Variants in VAPB observed in about 807,000 individuals in gnomAD.
VAPB encodes the protein VAMP associated protein B and C.
Under a neutral mutation model 25.6 loss-of-function variants are expected in VAPB, and 7 were observed. The observed-to-expected ratio is 0.27, with a 90% CI of 0.16 to 0.51. The LOEUF (loss-of-function observed/expected upper bound fraction) is 0.51. VAPB is among the 20% of genes least tolerant of loss of function. The pLI is 0.97. For missense variants in VAPB, 266 were observed against 301.3 expected (o/e 0.88, Z 0.87); for synonymous variants, 112 against 109.2 (o/e 1.03, Z -0.16).
intron 1 of VAPB, among the ~76,000 whole-genome samples, chr20:58,404,216 A>G (rs558364421): frequency 3.5e-4 from 54 of 152,258 alleles, no homozygotes; most frequent in African/African-American, 1.3e-3. Flanking sequence ...GATCTTACGG[A>G]TAGGTTCGTG....
intron 1 of VAPB, among the ~76,000 whole-genome samples, chr20:58,402,399 C>T (rs1056969429): frequency 6.6e-6 from 1 of 152,150 alleles, no homozygotes; most frequent in Non-Finnish European, 1.5e-5. Context: ...CCCCTGCTTA[C>T]CTTTGAGGCT....
Position 58,449,978 on chromosome 20 carries a change from A to G in VAPB, c.*5743A>G, listed in dbSNP as rs747888059. ...AAATGCCAACTAAGGGAGACTAATC[A>G]GATATCTTAACACAATTTCATCCAG... is the stretch of plus-strand genomic sequence containing the variant. On this transcript the variant is annotated 3_prime_UTR_variant, in exon 6 of 6. Transcript: ENST00000475243. 2.2e-6 allele frequency: 1 copy of G among 454,058 alleles called. No homozygotes were observed. The highest frequency in any genetic ancestry group is 1.6e-5 in the South Asian group (1 of 64,470). 28.1% of individuals were successfully genotyped at this position (454,058 alleles called of 1,614,324 possible).
chr20:58,411,981 C>A (rs568329958), intron 1 of VAPB, among the ~76,000 whole-genome samples: 197 of 152,292 alleles, frequency 1.3e-3, no homozygotes, highest in African/African-American at 4.6e-3. Context: ...GCCCAGCCTT[C>A]ATTTTCATAT....
intron 2 of VAPB, chr20:58,431,651 G>A (rs759515183): frequency 1.3e-5 from 2 of 151,726 alleles, no homozygotes; most frequent in Non-Finnish European, 2.9e-5. Flanking sequence ...GCTCTCTGCA[G>A]CCTCCATCTC....
intron 2 of VAPB, among the ~76,000 whole-genome samples, chr20:58,419,426 G>C (rs1988621029): frequency 6.6e-6 from 1 of 152,192 alleles, no homozygotes. Flanking sequence ...TTCGAATCAA[G>C]TTATTATCTT....
rs1158187821 is a variant in VAPB, at chr20:58,449,155, T to C, written c.*4920T>C. 2.2e-6 allele frequency: 1 copy of C among 454,110 alleles called. No homozygotes were observed. Among genetic ancestry groups the C allele is most frequent in the East Asian group, 7.0e-5 (1 of 14,386 alleles). The allele number at this position is 454,110 out of a possible 1,614,324, so 28.1% of individuals were successfully genotyped here. On this transcript the variant is annotated 3_prime_UTR_variant, in exon 6 of 6. Transcript: ENST00000475243. The stretch of plus-strand genomic sequence containing the variant: ...CTGTGGGAATGGGTCTGCCCCCAGC[T>C]TCACAGACCTCTTCCTCCAGCCTCT...
chr20:58,427,689 A>G (rs1436932504), intron 2 of VAPB, among the ~76,000 whole-genome samples: 1 of 151,854 alleles, frequency 6.6e-6, no homozygotes, highest in Non-Finnish European at 1.5e-5. Flanking sequence ...TGTTACCATT[A>G]TGCTGCAGAT....
intron 1 of VAPB, among the ~76,000 whole-genome samples, chr20:58,415,343 C>G (rs1057314523): frequency 6.6e-6 from 1 of 152,214 alleles, no homozygotes; most frequent in South Asian, 2.1e-4. Flanking sequence ...CAAACTCACA[C>G]AAATGTTCAC....
At chr20:58,399,819 G>C (rs1414679470) in intron 1 of VAPB, among the ~76,000 whole-genome samples, 1 of 151,730 alleles carries the variant, frequency 6.6e-6, no homozygotes, top group African/African-American at 2.4e-5. Context: ...TATTAGTGTT[G>C]AAAATTCTGT....
At chr20:58,406,222 ATTG>A (rs989924895) in intron 1 of VAPB, among the ~76,000 whole-genome samples, 2 of 152,200 alleles carry the variant, frequency 1.3e-5, no homozygotes, top group Non-Finnish European at 2.9e-5. Flanking sequence ...CAGTCAGCTT[ATTG>A]TTGTGACATA....
At chr20:58,435,071 T>C (rs886251095) in intron 3 of VAPB, among the ~76,000 whole-genome samples, 2 of 152,128 alleles carry the variant, frequency 1.3e-5, no homozygotes, top group Non-Finnish European at 2.9e-5. Context: ...TTCTTACTTG[T>C]CTTCTCATCC....
intron 1 of VAPB, among the ~76,000 whole-genome samples, chr20:58,397,143 A>G (rs759320639): frequency 1.3e-5 from 2 of 152,260 alleles, no homozygotes; most frequent in Admixed American, 1.3e-4. Context: ...AAGTTCAGAC[A>G]GATGACTCCA....
intron 2 of VAPB, among the ~76,000 whole-genome samples, chr20:58,434,135 TA>T (rs1734244109): frequency 6.6e-6 from 1 of 152,236 alleles, no homozygotes; most frequent in African/African-American, 2.4e-5. Context: ...TTTCAAGGAT[TA>T]CCTTGATTAG....
intron 1 of VAPB, among the ~76,000 whole-genome samples, chr20:58,404,071 C>G (rs1988164554): frequency 6.6e-6 from 1 of 152,178 alleles, no homozygotes; most frequent in Non-Finnish European, 1.5e-5. Context: ...CACCGTGACT[C>G]AACTTTCTGT....
chr20:58,447,262 A>G lies in VAPB; in HGVS notation c.*3027A>G, dbSNP rs140832542. 2.0e-5 allele frequency: 9 copies of G among 454,048 alleles called. No individual in the cohort carries two copies. The East Asian group carries it at 5.6e-4, about 28-fold the overall frequency. The allele number at this position is 454,048 out of a possible 1,614,324, so 28.1% of individuals were successfully genotyped here. On this transcript the variant is annotated 3_prime_UTR_variant, in exon 6 of 6. Transcript: ENST00000475243. ...AAGCTTCCTTGGCACGATACAAAATACCTCTTAAAGACAGCAGGCTTTTTT... is the reference window on the plus strand; with the variant it reads ...AAGCTTCCTTGGCACGATACAAAATGCCTCTTAAAGACAGCAGGCTTTTTT...
At chr20:58,402,195 T>G (rs1404137593) in intron 1 of VAPB, among the ~76,000 whole-genome samples, 1 of 152,238 alleles carries the variant, frequency 6.6e-6, no homozygotes, top group Non-Finnish European at 1.5e-5. Context: ...TCCCCCCACA[T>G]TGCCCTGCCC....
intron 2 of VAPB, among the ~76,000 whole-genome samples, chr20:58,426,182 C>A (rs943435617): frequency 6.6e-6 from 1 of 152,208 alleles, no homozygotes; most frequent in Non-Finnish European, 1.5e-5. Flanking sequence ...AGGTGTGAGC[C>A]ACTGCACCTG....
intron 1 of VAPB, among the ~76,000 whole-genome samples, chr20:58,405,556 G>A (rs1300866333): frequency 2.0e-5 from 3 of 150,158 alleles, no homozygotes; most frequent in East Asian, 4.0e-4. Flanking sequence ...TCTGTCTCCC[G>A]GGTTCAAGCA....
At position 58,444,413 on chromosome 20, in the gene VAPB, ACGAT is replaced by A; in HGVS notation, c.*180_*183del. On this transcript the variant is annotated 3_prime_UTR_variant, in exon 6 of 6. Transcript: ENST00000475243. ...GATACACACACACAAATATAATGTA[ACGAT>A]CTTTTAGAAAGTTAAAAATGTATAG... 1.2e-6 allele frequency: 1 copy of A among 848,146 alleles called. No individual in the cohort carries two copies. The highest frequency in any genetic ancestry group is 1.9e-6 in the Non-Finnish European group (1 of 518,454). 52.5% of individuals were successfully genotyped at this position (848,146 alleles called of 1,614,324 possible). A position where few individuals can be genotyped will look rare whatever the true frequency, so the allele number is the denominator to read the frequency against.
Sources: gnomAD v4.1 joint callset for allele counts (sites outside exome capture counted in the v4.1 genomes callset) on GRCh38, gnomAD v4.1.1 for gene constraint, MANE v1.5 for transcripts, NCBI Gene and HGNC (gene_info 2026-07-23, HGNC 2026-07-21) for gene names.